Variants in STAG1 observed in about 807,000 individuals in gnomAD.
The protein encoded by STAG1 is STAG1 cohesin complex component.
Under a neutral mutation model 170.9 loss-of-function variants are expected in STAG1, and 26 were observed. The observed-to-expected ratio is 0.15, with a 90% confidence interval of 0.11 to 0.21. The LOEUF (loss-of-function observed/expected upper bound fraction) is 0.21. Ranked by LOEUF, STAG1 falls within the 10% of genes least tolerant of loss-of-function variation. The probability of loss-of-function intolerance (pLI) is 1.00; values close to 1 mark genes in which losing one functional copy is unlikely to be tolerated. For synonymous variants in STAG1, 514 were observed against 497.7 expected, an observed-to-expected ratio of 1.03 and a Z score of -0.44; for missense variants, 964 against 1,509.5, an observed-to-expected ratio of 0.64 and a Z score of 5.99.
At chr3:136,623,079 A>C (rs1261955392) in intron 3 of STAG1, 67 bp downstream of exon 3, 1 of 1,358,808 alleles carries the variant, frequency 7.4e-7, no homozygotes, top group Non-Finnish European at 1.0e-6. Context: ...ACTAGAATTA[A>C]CAACTCATAT....
At chr3:136,560,931 CG>C (rs1553745749) in intron 5 of STAG1, among the ~76,000 whole-genome samples, 3 of 151,868 alleles carry the variant, frequency 2.0e-5, no homozygotes, top group Non-Finnish European at 4.4e-5. Flanking sequence ...TGGGTGGGGA[CG>C]GGGCGAATTG....
intron 1 of STAG1, among the ~76,000 whole-genome samples, chr3:136,745,694 TG>T (rs749322545): frequency 6.6e-6 from 1 of 152,204 alleles, no homozygotes; most frequent in Non-Finnish European, 1.5e-5. Context: ...AAGACCAGTA[TG>T]GGTCCACAGC....
chr3:136,529,210 CA>C (rs1935236432), intron 6 of STAG1, among the ~76,000 whole-genome samples: 2 of 152,002 alleles, frequency 1.3e-5, no homozygotes, highest in Non-Finnish European at 2.9e-5. Flanking sequence ...AAGGCCAAGA[CA>C]GAATGAAAGC....
At chr3:136,519,633 G>A (rs77587269) in intron 7 of STAG1, among the ~76,000 whole-genome samples, 1,828 of 151,032 alleles carry the variant, frequency 0.012, 39 homozygotes, top group African/African-American at 0.042. Context: ...GGAACAGAAA[G>A]TATAAAGAAA....
chr3:136,453,542 G>T (rs981147722), intron 13 of STAG1, among the ~76,000 whole-genome samples: 1 of 148,192 alleles, frequency 6.7e-6, no homozygotes, highest in Non-Finnish European at 1.5e-5. Context: ...AGTAAGCCGA[G>T]ATCGCGCCAC....
At chr3:136,538,877 G>A (rs1935765996) in intron 6 of STAG1, among the ~76,000 whole-genome samples, 1 of 152,126 alleles carries the variant, frequency 6.6e-6, no homozygotes, top group African/African-American at 2.4e-5. Context: ...GCTCACGCCT[G>A]TAATCCCAGC....
intron 5 of STAG1, among the ~76,000 whole-genome samples, chr3:136,566,859 T>C (rs1937094503): frequency 6.6e-6 from 1 of 152,226 alleles, no homozygotes; most frequent in South Asian, 2.1e-4. Context: ...AATAGAAGTC[T>C]AGTTAAATAA....
At chr3:136,539,244 T>A (rs968841123) in intron 6 of STAG1, among the ~76,000 whole-genome samples, 1 of 152,212 alleles carries the variant, frequency 6.6e-6, no homozygotes, top group South Asian at 2.1e-4. Flanking sequence ...CCGTAATATT[T>A]CCTTTTCTCA....
intron 3 of STAG1, among the ~76,000 whole-genome samples, chr3:136,610,781 T>C (rs754233568): frequency 2.6e-5 from 4 of 152,350 alleles, no homozygotes; most frequent in Non-Finnish European, 4.4e-5. Flanking sequence ...TTCTGTGAAG[T>C]TCTAAGGGTT....
intron 15 of STAG1, among the ~76,000 whole-genome samples, chr3:136,439,285 G>C (rs903984452): frequency 4.7e-5 from 7 of 150,160 alleles, no homozygotes; most frequent in African/African-American, 1.7e-4. Flanking sequence ...ACTTGATTTG[G>C]TTATGGTCTT....
chr3:136,392,980 T>C (rs1318943123), intron 22 of STAG1, among the ~76,000 whole-genome samples: 3 of 152,104 alleles, frequency 2.0e-5, no homozygotes, highest in African/African-American at 7.2e-5. Context: ...TTAATAAAAA[T>C]ATGTGACCTC....
At chr3:136,358,868 C>A (rs1329547757) in intron 27 of STAG1, among the ~76,000 whole-genome samples, 1 of 152,112 alleles carries the variant, frequency 6.6e-6, no homozygotes, top group Non-Finnish European at 1.5e-5. Context: ...ACCACCACAC[C>A]CAGCCTGTAT....
chr3:136,585,402 G>A (rs959771255), intron 4 of STAG1, among the ~76,000 whole-genome samples: 2 of 151,962 alleles, frequency 1.3e-5, no homozygotes, highest in Non-Finnish European at 2.9e-5. Context: ...AGATCACGCC[G>A]CTGCACTACA....
intron 3 of STAG1, among the ~76,000 whole-genome samples, chr3:136,610,247 G>A (rs1939203199): frequency 2.0e-5 from 3 of 152,182 alleles, no homozygotes; most frequent in East Asian, 1.9e-4. Flanking sequence ...ATATTGGCCA[G>A]GCTGGTCTCA....
chr3:136,714,322 A>G (rs540801269), intron 1 of STAG1, among the ~76,000 whole-genome samples: 1 of 152,356 alleles, frequency 6.6e-6, no homozygotes, highest in East Asian at 1.9e-4. Context: ...CTGGCCAAGC[A>G]CAGTAGCTCA....
At chr3:136,366,314 G>A (rs766458445) in intron 25 of STAG1, among the ~76,000 whole-genome samples, 1 of 151,944 alleles carries the variant, frequency 6.6e-6, no homozygotes, top group Non-Finnish European at 1.5e-5. Flanking sequence ...AAATATAAAT[G>A]GCATGAACAC....
intron 16 of STAG1, among the ~76,000 whole-genome samples, chr3:136,430,552 C>T (rs2088267166): frequency 6.6e-6 from 1 of 150,852 alleles, no homozygotes; most frequent in African/African-American, 2.4e-5. Context: ...TTTGGCTTCC[C>T]TGGGCCACAA....
chr3:136,748,148 T>C (rs1217571807), intron 1 of STAG1, among the ~76,000 whole-genome samples: 1 of 151,280 alleles, frequency 6.6e-6, no homozygotes, highest in African/African-American at 2.4e-5. Flanking sequence ...TCCCAGCACT[T>C]TGGGAGGCCA....
chr3:136,530,364 A>T (rs923934681), intron 6 of STAG1, among the ~76,000 whole-genome samples: 1 of 152,182 alleles, frequency 6.6e-6, no homozygotes, highest in Non-Finnish European at 1.5e-5. Flanking sequence ...CTTAAACCAA[A>T]TAGACTTGAC....
Sources: allele counts gnomAD v4.1 joint callset (sites outside exome capture counted in the v4.1 genomes callset), GRCh38; gene constraint gnomAD v4.1.1; transcripts MANE v1.5; gene names NCBI Gene and HGNC (gene_info 2026-07-23, HGNC 2026-07-21).